The following PEAK1 variants were observed in gnomAD, a reference collection of about 807,000 sequenced individuals.
The protein encoded by PEAK1 is inactive tyrosine-protein kinase PEAK1.
A neutral mutation model predicts 124.7 loss-of-function variants in PEAK1; 54 were observed. The observed-to-expected ratio is 0.43, with a 90% CI of 0.35 to 0.54. The LOEUF is 0.54. Ranked by LOEUF, PEAK1 falls within the 20% of genes least tolerant of loss-of-function variation. The pLI, the probability that PEAK1 is intolerant of heterozygous loss-of-function variation, is 0.01. For synonymous variants in PEAK1, 719 were observed against 760.0 expected, an observed-to-expected ratio of 0.95 and a Z score of 0.89; for missense variants, 2,046 against 2,134.5, an observed-to-expected ratio of 0.96 and a Z score of 0.82.
chr15:77,316,695 A>G (rs888364530), intron 2 of PEAK1, among the ~76,000 whole-genome samples: 6 of 152,230 alleles, frequency 3.9e-5, no homozygotes. Flanking sequence ...GACGAAATGA[A>G]TGAATACTAC....
chr15:77,184,969 A>G (rs1029878627), intron 6 of PEAK1, among the ~76,000 whole-genome samples: 1 of 152,210 alleles, frequency 6.6e-6, no homozygotes, highest in Non-Finnish European at 1.5e-5. Flanking sequence ...CTTTAAAAAG[A>G]CAGCTCTGCT....
intron 5 of PEAK1, among the ~76,000 whole-genome samples, chr15:77,252,732 G>T (rs181863990): frequency 2.0e-4 from 30 of 152,244 alleles, no homozygotes; most frequent in Admixed American, 1.0e-3. Context: ...CAAAGAACCA[G>T]TAACTTACAA....
chr15:77,382,188 A>C (rs1371754786), intron 1 of PEAK1, among the ~76,000 whole-genome samples: 1 of 152,142 alleles, frequency 6.6e-6, no homozygotes, highest in Non-Finnish European at 1.5e-5. Context: ...ACAGCTAACA[A>C]ATCAAAGAGC....
chr15:77,207,586 A>G (rs571114176), intron 6 of PEAK1, among the ~76,000 whole-genome samples: 1 of 152,288 alleles, frequency 6.6e-6, no homozygotes, highest in East Asian at 1.9e-4. Flanking sequence ...AAGGCTAGAT[A>G]TTGTATGATT....
intron 2 of PEAK1, among the ~76,000 whole-genome samples, chr15:77,296,444 C>A (rs974365521): frequency 6.6e-5 from 10 of 151,744 alleles, no homozygotes; most frequent in Admixed American, 5.9e-4. Context: ...AAACCCCCAT[C>A]TCTACTAAAA....
At chr15:77,382,918 A>C (rs1395002341) in intron 1 of PEAK1, among the ~76,000 whole-genome samples, 1 of 152,196 alleles carries the variant, frequency 6.6e-6, no homozygotes, top group Non-Finnish European at 1.5e-5. Context: ...AAAGGAAAAA[A>C]TAACTTTTCT....
rs1316585888 is a variant in PEAK1, at chr15:77,286,404, G to C, written c.-521+19C>G. On this transcript the variant is annotated intron_variant, in intron 3 of 9. Coordinates refer to ENST00000682557, the MANE Select transcript of PEAK1 (RefSeq NM_001385026.1). Reference sequence around the variant, plus strand: ...GACCAGAATAAACATGTTACATTATGGAAAGAAAAAGTACAAACCTGGTTT... The same window carrying C: ...GACCAGAATAAACATGTTACATTATCGAAAGAAAAAGTACAAACCTGGTTT... 2 of 1,166,928 alleles carry C rather than the reference G, an allele frequency of 1.7e-6. No individual in the cohort carries two copies. Among genetic ancestry groups the C allele is most frequent in the Non-Finnish European group, 2.2e-6 (2 of 929,678 alleles). 72.3% of individuals were successfully genotyped at this position (1,166,928 alleles called of 1,614,324 possible).
At chr15:77,376,216 C>G (rs2069017108) in intron 1 of PEAK1, among the ~76,000 whole-genome samples, 1 of 151,960 alleles carries the variant, frequency 6.6e-6, no homozygotes, top group African/African-American at 2.4e-5. Flanking sequence ...TACCATATAC[C>G]TAACAAAGGC....
chr15:77,204,052 CTTAA>C (rs895798317), intron 6 of PEAK1, among the ~76,000 whole-genome samples: 2 of 152,156 alleles, frequency 1.3e-5, no homozygotes, highest in Non-Finnish European at 2.9e-5. Flanking sequence ...AAAAATAACT[CTTAA>C]TTCTCAACAA....
intron 1 of PEAK1, chr15:77,403,116 T>G: frequency 3.0e-6 from 3 of 985,392 alleles, no homozygotes; most frequent in Non-Finnish European, 3.6e-6. Context: ...ATTGGAGCCT[T>G]TTCTGGTTAC....
chr15:77,414,468 C>T (rs1303624465), intron 1 of PEAK1, among the ~76,000 whole-genome samples: 4 of 151,550 alleles, frequency 2.6e-5, no homozygotes, highest in African/African-American at 9.7e-5. Context: ...CCCACCTTGG[C>T]CTCCCAAAGT....
rs2057186714 is a variant in PEAK1 at position 77,180,452 on chromosome 15, G to C, written c.1475C>G (p.Pro492Arg). 2 of 1,614,006 alleles carry C rather than the reference G, an allele frequency of 1.2e-6. No individual in the cohort carries two copies. Among genetic ancestry groups the C allele is most frequent in the Non-Finnish European group, 1.7e-6 (2 of 1,180,022 alleles). ...GCTTTTTGTCTTGGGGCTGTTAACA[G>C]GGCCCTCGAGGTGCTCACTGGCCAT... ...AAMASEHLEG[P>R]VNSPKTKSSS... Residue 492 changes from proline to arginine, a missense_variant, in exon 7 of 10, where the codon CCT (proline) becomes CGT (arginine). Pro to Arg is a moderately radical substitution (Grantham distance 103, BLOSUM62 -2). Transcript: ENST00000682557.
At chr15:77,174,901 G>A (rs1205049490) in intron 7 of PEAK1, among the ~76,000 whole-genome samples, 1 of 151,966 alleles carries the variant, frequency 6.6e-6, no homozygotes, top group Non-Finnish European at 1.5e-5. Context: ...TACCAAAACA[G>A]AGATATAGAT....
intron 1 of PEAK1, among the ~76,000 whole-genome samples, chr15:77,379,723 T>C (rs1413918176): frequency 1.3e-5 from 2 of 152,164 alleles, no homozygotes; most frequent in Non-Finnish European, 2.9e-5. Context: ...AGAGATCTAA[T>C]TAGCTTTAGA....
intron 1 of PEAK1, among the ~76,000 whole-genome samples, chr15:77,399,445 A>G (rs967707659): frequency 6.6e-6 from 1 of 152,230 alleles, no homozygotes; most frequent in African/African-American, 2.4e-5. Flanking sequence ...TAACTAAAAC[A>G]GCATGGTATT....
chr15:77,418,021 T>G, intron 1 of PEAK1: 5 of 977,900 alleles, frequency 5.1e-6, no homozygotes, highest in Non-Finnish European at 6.1e-6. Flanking sequence ...TATTTTTTAA[T>G]GTGATTGTCG....
intron 1 of PEAK1, chr15:77,403,135 T>C: frequency 1.0e-6 from 1 of 985,268 alleles, no homozygotes; most frequent in Non-Finnish European, 1.2e-6. Flanking sequence ...ACTAGAACCA[T>C]ATTACAGGAT....
intron 6 of PEAK1, among the ~76,000 whole-genome samples, chr15:77,201,232 CTTTTTTTT>C (rs11363810): frequency 1.3e-5 from 1 of 77,220 alleles, no homozygotes; most frequent in Non-Finnish European, 2.4e-5. Flanking sequence ...GCCTTTGTGT[CTTTTTTTT>C]TTTTTTTTTT....
intron 8 of PEAK1, among the ~76,000 whole-genome samples, chr15:77,152,071 C>A (rs2152772327): frequency 6.6e-6 from 1 of 152,264 alleles, no homozygotes; most frequent in Admixed American, 6.5e-5. Context: ...CTATAAATTA[C>A]CTTGGGCAGT....
Sources: allele counts gnomAD v4.1 joint callset (sites outside exome capture counted in the v4.1 genomes callset), GRCh38; gene constraint gnomAD v4.1.1; transcripts MANE v1.5; gene names NCBI Gene and HGNC (gene_info 2026-07-23, HGNC 2026-07-21).